BICC1: variants seen among roughly 807,000 people sequenced by gnomAD.
The protein encoded by BICC1 is BicC family RNA binding protein 1, also known as protein bicaudal C homolog 1.
BICC1 carries 43 observed loss-of-function variants against 111.0 expected under a neutral mutation model. The observed-to-expected ratio is 0.39, with a 90% CI of 0.30 to 0.50. BICC1 has a LOEUF of 0.50. Ranked by LOEUF, BICC1 falls within the 20% of genes least tolerant of loss-of-function variation. The pLI, the probability that BICC1 is intolerant of heterozygous loss-of-function variation, is 0.88. For missense variants in BICC1, 1,091 were observed against 1,203.2 expected (o/e 0.91, Z 1.38); for synonymous variants, 467 against 434.4 (o/e 1.07, Z -0.93).
intron 1 of BICC1, among the ~76,000 whole-genome samples, chr10:58,569,565 C>T (rs942131645): frequency 3.9e-5 from 6 of 152,080 alleles, no homozygotes; most frequent in Non-Finnish European, 8.8e-5. Context: ...TGGCAGGTCC[C>T]AGTGTGTGAT....
At chr10:58,674,116 T>A (rs1426058634) in intron 2 of BICC1, among the ~76,000 whole-genome samples, 3 of 152,220 alleles carry the variant, frequency 2.0e-5, no homozygotes, top group African/African-American at 7.2e-5. Flanking sequence ...TTTTGTAGCT[T>A]CTCTTGGAAA....
At chr10:58,699,920 G>A (rs1840179719) in intron 2 of BICC1, among the ~76,000 whole-genome samples, 1 of 151,978 alleles carries the variant, frequency 6.6e-6, no homozygotes, top group Admixed American at 6.6e-5. Context: ...ACAAACTCCT[G>A]GCCTCAAGCA....
rs140931439 is a variant in BICC1, at chr10:58,691,951, C to T, written c.238-10123C>T. ...TCCACGTGACATATAATTGGAAAGC[C>T]TTACATAATTGTTGCCTCTTCTGTT... On this transcript the variant is annotated intron_variant, in intron 2 of 20. Coordinates refer to ENST00000373886, the MANE Select transcript of BICC1 (RefSeq NM_001080512.3). Among the ~76,000 whole-genome samples the T allele has an allele frequency of 5.7e-3, 869 of 152,282 alleles. 9 individuals carry two copies. Among genetic ancestry groups the T allele is most frequent in the African/African-American group, 0.02 (843 of 41,556 alleles).
At chr10:58,681,805 G>T (rs1393240564) in intron 2 of BICC1, among the ~76,000 whole-genome samples, 1 of 152,014 alleles carries the variant, frequency 6.6e-6, no homozygotes, top group African/African-American at 2.4e-5. Context: ...TGGTTTCGTG[G>T]TCTTGCTGAC....
chr10:58,728,704 A>AAAT (rs3076358), intron 3 of BICC1, among the ~76,000 whole-genome samples: 97,775 of 150,228 alleles, frequency 0.65, 34,751 homozygotes, highest in East Asian at 0.85. Flanking sequence ...TGTATTTCTT[A>AAAT]AATAATAATA....
At chr10:58,740,141 T>C (rs935426043) in intron 3 of BICC1, among the ~76,000 whole-genome samples, 9 of 152,174 alleles carry the variant, frequency 5.9e-5, no homozygotes, top group African/African-American at 2.2e-4. Context: ...TGCAGGAACC[T>C]GCAGGAAGTG....
intron 3 of BICC1, among the ~76,000 whole-genome samples, chr10:58,738,412 G>A (rs1490755163): frequency 6.6e-6 from 1 of 151,944 alleles, no homozygotes; most frequent in Non-Finnish European, 1.5e-5. Flanking sequence ...ATGCGGCATT[G>A]TTTCTGAGGG....
chr10:58,607,942 G>T (rs1845283896), intron 1 of BICC1, among the ~76,000 whole-genome samples: 1 of 152,132 alleles, frequency 6.6e-6, no homozygotes, highest in South Asian at 2.1e-4. Flanking sequence ...GGAAATAGCT[G>T]TCCTTCCTGG....
intron 1 of BICC1, among the ~76,000 whole-genome samples, chr10:58,570,773 G>A (rs1843924314): frequency 6.6e-6 from 1 of 152,108 alleles, no homozygotes; most frequent in African/African-American, 2.4e-5. Context: ...CCAGAACTGT[G>A]TATTTCCGAG....
At chr10:58,582,055 C>T (rs1844297796) in intron 1 of BICC1, among the ~76,000 whole-genome samples, 2 of 152,176 alleles carry the variant, frequency 1.3e-5, no homozygotes, top group South Asian at 4.1e-4. Context: ...CACTCTTTCC[C>T]TAGCTCCTTA....
chr10:58,714,715 AC>A (rs1307750862), intron 3 of BICC1, among the ~76,000 whole-genome samples: 1 of 152,022 alleles, frequency 6.6e-6, no homozygotes, highest in Non-Finnish European at 1.5e-5. Context: ...ACCGTGTGTG[AC>A]CTTTTCCTGG....
intron 1 of BICC1, among the ~76,000 whole-genome samples, chr10:58,607,459 C>T (rs1011615366): frequency 6.6e-6 from 1 of 151,838 alleles, no homozygotes; most frequent in African/African-American, 2.4e-5. Context: ...CCCCATTTCC[C>T]AGCCTATCCT....
At chr10:58,674,815 G>T (rs1233524452) in intron 2 of BICC1, among the ~76,000 whole-genome samples, 2 of 152,166 alleles carry the variant, frequency 1.3e-5, no homozygotes, top group Non-Finnish European at 2.9e-5. Context: ...ATTGGGTGAG[G>T]ATAGGACAGT....
Position 58,799,126 on chromosome 10 carries a change from T to C in BICC1, c.1599T>C (p.Ser533=). The C allele has an allele frequency of 6.2e-7, 1 of 1,613,966 alleles. No homozygotes were observed. The highest frequency in any genetic ancestry group is 8.5e-7 in the Non-Finnish European group (1 of 1,179,880). ...CCACATTAACTAATATTTTGTTGTCTGGAGTGCCCACCTATGGGCACACAG... is the reference window on the plus strand; with the variant it reads ...CCACATTAACTAATATTTTGTTGTCCGGAGTGCCCACCTATGGGCACACAG... ...AQATLTNILL[S]GVPTYGHTAP... is the part of the protein sequence containing the mutation. The change falls in exon 12 of 21, where the codon TCT becomes TCC. Residue 533 remains serine (S), a synonymous_variant. Transcript: ENST00000373886.
At chr10:58,676,046 TC>T (rs1005949897) in intron 2 of BICC1, among the ~76,000 whole-genome samples, 1 of 152,054 alleles carries the variant, frequency 6.6e-6, no homozygotes, top group African/African-American at 2.4e-5. Flanking sequence ...GGGAACTCCC[TC>T]CCCTAGCCAA....
intron 1 of BICC1, among the ~76,000 whole-genome samples, chr10:58,528,527 A>G (rs982662279): frequency 3.9e-5 from 6 of 151,902 alleles, no homozygotes; most frequent in Non-Finnish European, 8.8e-5. Flanking sequence ...TGTGATTTCA[A>G]ATCTTCTCAG....
At chr10:58,810,636 A>G (rs1332826923) in intron 17 of BICC1, among the ~76,000 whole-genome samples, 1 of 152,100 alleles carries the variant, frequency 6.6e-6, no homozygotes, top group Non-Finnish European at 1.5e-5. Flanking sequence ...TCTATAGCTC[A>G]GAAGGATCAG....
chr10:58,703,864 C>G (rs907285795), intron 3 of BICC1, among the ~76,000 whole-genome samples: 2 of 152,152 alleles, frequency 1.3e-5, no homozygotes, highest in Non-Finnish European at 2.9e-5. Flanking sequence ...AGAAAATCCC[C>G]AAGGAAACAT....
rs1842138256 is a variant in BICC1 at position 58,513,078 on chromosome 10, C to G, written c.-66C>G. The G allele has an allele frequency of 1.2e-5, 15 of 1,234,276 alleles. No homozygotes were observed. In the East Asian group the frequency reaches 3.3e-4, roughly 27 times the overall value. 76.5% of individuals were successfully genotyped at this position (1,234,276 alleles called of 1,614,324 possible). A position where few individuals can be genotyped will look rare whatever the true frequency, so the allele number is the denominator to read the frequency against. ...CTGGGAGCCAGTTGAGCCCGGCCGG[C>G]GAGCGGAGGCGGCAGCGCAGGCAGA... is the stretch of plus-strand genomic sequence containing the variant. On this transcript the variant is annotated 5_prime_UTR_variant, in exon 1 of 21. Coordinates refer to ENST00000373886, the MANE Select transcript of BICC1 (RefSeq NM_001080512.3).
Sources: allele counts gnomAD v4.1 joint callset (sites outside exome capture counted in the v4.1 genomes callset), GRCh38; gene constraint gnomAD v4.1.1; transcripts MANE v1.5; gene names NCBI Gene and HGNC (gene_info 2026-07-23, HGNC 2026-07-21).